DESI2: variants seen among roughly 807,000 people sequenced by gnomAD.
DESI2 encodes the protein deubiquitinase DESI2.
DESI2 carries 10 observed loss-of-function variants against 24.1 expected under a neutral mutation model. The ratio of observed to expected loss-of-function variants is 0.41; its 90% CI spans 0.26 to 0.70. The LOEUF is 0.70. Among genes scored for constraint, DESI2 ranks in the 30% least tolerant of loss-of-function variants. The probability of loss-of-function intolerance (pLI) is 0.29; values close to 1 mark genes in which losing one functional copy is unlikely to be tolerated. For missense variants in DESI2, 122 were observed against 234.9 expected, an observed-to-expected ratio of 0.52 and a Z score of 3.14; for synonymous variants, 71 against 87.7, an observed-to-expected ratio of 0.81 and a Z score of 1.06.
chr1:244,686,985 A>G (rs903072042), intron 2 of DESI2, among the ~76,000 whole-genome samples: 4 of 152,152 alleles, frequency 2.6e-5, no homozygotes, highest in African/African-American at 7.2e-5. Context: ...TTGTTCTCAT[A>G]TATATTGGAG....
intron 4 of DESI2, among the ~76,000 whole-genome samples, chr1:244,700,986 G>A (rs1401714634): frequency 6.6e-6 from 1 of 152,178 alleles, no homozygotes. Flanking sequence ...TAGCTGAGGA[G>A]ATTTCCAAGC....
At position 244,653,911 on chromosome 1, in the gene DESI2, A is replaced by G. The variant is rs1573168491; in HGVS notation, c.42+556A>G. 3 of 471,242 alleles carry G rather than the reference A, an allele frequency of 6.4e-6. No individual in the cohort carries two copies. In the East Asian group the frequency reaches 2.1e-4, roughly 33 times the overall value. The allele number at this position is 471,242 out of a possible 1,614,324, so 29.2% of individuals were successfully genotyped here. Reference sequence around the variant, plus strand: ...AACACACCCTTTCCTTGTGTGTTAAAGGCAACCTCGTTAAAATATGAATGA... The same window carrying G: ...AACACACCCTTTCCTTGTGTGTTAAGGGCAACCTCGTTAAAATATGAATGA... On this transcript the variant is annotated intron_variant, in intron 1 of 4. Coordinates refer to ENST00000302550, the MANE Select transcript of DESI2 (RefSeq NM_016076.5).
intron 1 of DESI2, among the ~76,000 whole-genome samples, chr1:244,655,305 ACTATCTTCT>A (rs1163199452): frequency 6.6e-6 from 1 of 152,248 alleles, no homozygotes; most frequent in Admixed American, 6.5e-5. Flanking sequence ...AATCTGATTC[ACTATCTTCT>A]CTACTAATTC....
At chr1:244,684,827 A>AT (rs577962961) in intron 1 of DESI2, among the ~76,000 whole-genome samples, 7 of 152,272 alleles carry the variant, frequency 4.6e-5, no homozygotes, top group African/African-American at 1.7e-4. Flanking sequence ...ACTTTCATTG[A>AT]TTTTCACAAG....
At chr1:244,678,178 T>C (rs887530199) in intron 1 of DESI2, among the ~76,000 whole-genome samples, 8 of 152,212 alleles carry the variant, frequency 5.3e-5, no homozygotes, top group Non-Finnish European at 8.8e-5. Flanking sequence ...AGAAACTTTA[T>C]TTAGGCCACA....
chr1:244,690,882 G>A (rs539640293), intron 3 of DESI2, among the ~76,000 whole-genome samples: 2 of 152,168 alleles, frequency 1.3e-5, no homozygotes, highest in Non-Finnish European at 2.9e-5. Context: ...AGTTCTCTTA[G>A]CCTATCACTG....
At chr1:244,681,317 C>G (rs899433550) in intron 1 of DESI2, among the ~76,000 whole-genome samples, 1 of 152,130 alleles carries the variant, frequency 6.6e-6, no homozygotes, top group African/African-American at 2.4e-5. Flanking sequence ...GTACCACGGG[C>G]TTCTTCCATT....
chr1:244,698,445 G>A (rs1259029046), intron 4 of DESI2, among the ~76,000 whole-genome samples: 2 of 152,192 alleles, frequency 1.3e-5, no homozygotes, highest in African/African-American at 4.8e-5. Context: ...AGCCTGATGT[G>A]CATAATTTTG....
intron 1 of DESI2, among the ~76,000 whole-genome samples, chr1:244,663,950 G>A (rs1313395729): frequency 2.6e-5 from 4 of 151,298 alleles, no homozygotes; most frequent in African/African-American, 7.3e-5. Flanking sequence ...CCTGGGAGGC[G>A]GAGGTTGCAG....
intron 3 of DESI2, among the ~76,000 whole-genome samples, chr1:244,691,627 AAAGAAAATGACT>A (rs1308681175): frequency 6.6e-6 from 1 of 152,258 alleles, no homozygotes; most frequent in Non-Finnish European, 1.5e-5. Flanking sequence ...TATATTTCAT[AAAGAAAATGACT>A]TGTGCTTTTG....
At chr1:244,694,005 A>C (rs1677120072) in intron 4 of DESI2, among the ~76,000 whole-genome samples, 1 of 152,242 alleles carries the variant, frequency 6.6e-6, no homozygotes, top group South Asian at 2.1e-4. Flanking sequence ...AAGTTTAGTA[A>C]AACTGGTATG....
chr1:244,664,473 C>T (rs1047908108), intron 1 of DESI2, among the ~76,000 whole-genome samples: 18 of 152,214 alleles, frequency 1.2e-4, no homozygotes, highest in African/African-American at 4.1e-4. Flanking sequence ...AGGCCAGGCA[C>T]TGTGGCTCAG....
chr1:244,686,300 A>G (rs1318045970), intron 1 of DESI2, among the ~76,000 whole-genome samples: 2 of 151,696 alleles, frequency 1.3e-5, no homozygotes, highest in Admixed American at 6.6e-5. Flanking sequence ...CACTAACAGC[A>G]GAGCTCTTAT....
At chr1:244,693,425 ATTGT>A (rs1397715296) in intron 4 of DESI2, among the ~76,000 whole-genome samples, 7 of 145,832 alleles carry the variant, frequency 4.8e-5, no homozygotes, top group South Asian at 4.6e-4. Flanking sequence ...TGAGTGCTGA[ATTGT>A]TTGTTCTTTT....
At chr1:244,666,671 A>G (rs996601150) in intron 1 of DESI2, among the ~76,000 whole-genome samples, 9 of 152,204 alleles carry the variant, frequency 5.9e-5, no homozygotes, top group African/African-American at 1.9e-4. Flanking sequence ...ATCTGTGGGT[A>G]TCAAACAATA....
At chr1:244,666,931 A>T (rs758533305) in intron 1 of DESI2, among the ~76,000 whole-genome samples, 2 of 152,152 alleles carry the variant, frequency 1.3e-5, no homozygotes, top group Non-Finnish European at 2.9e-5. Flanking sequence ...TAAACCCATC[A>T]GATCTCGTGA....
At chr1:244,699,418 C>T (rs1677349468) in intron 4 of DESI2, among the ~76,000 whole-genome samples, 1 of 151,222 alleles carries the variant, frequency 6.6e-6, no homozygotes, top group Admixed American at 6.6e-5. Flanking sequence ...ACAGGATGTA[C>T]TAAAAATACA....
chr1:244,695,734 A>G (rs1444660525), intron 4 of DESI2, among the ~76,000 whole-genome samples: 1 of 152,240 alleles, frequency 6.6e-6, no homozygotes, highest in Non-Finnish European at 1.5e-5. Flanking sequence ...CCCCTATATA[A>G]CTGTAACTTA....
chr1:244,659,569 G>A (rs1292249611), intron 1 of DESI2, among the ~76,000 whole-genome samples: 2 of 152,148 alleles, frequency 1.3e-5, no homozygotes, highest in Non-Finnish European at 2.9e-5. Context: ...GACCGGCAAT[G>A]GTGTGTGGAA....
Sources: allele counts gnomAD v4.1 joint callset (sites outside exome capture counted in the v4.1 genomes callset), GRCh38; gene constraint gnomAD v4.1.1; transcripts MANE v1.5; gene names NCBI Gene and HGNC (gene_info 2026-07-23, HGNC 2026-07-21).